Variants in CMC1 observed in about 807,000 individuals in gnomAD.
The protein encoded by CMC1 is C-X9-C motif containing 1, also known as COX assembly mitochondrial protein homolog.
Under a neutral mutation model 14.1 loss-of-function variants are expected in CMC1, and 14 were observed. The observed-to-expected ratio is 0.99, with a 90% confidence interval of 0.66 to 1.55. The LOEUF (loss-of-function observed/expected upper bound fraction) is 1.55. CMC1 is among the 40% of genes most tolerant of loss of function. The probability of loss-of-function intolerance (pLI) is 0.00; values close to 1 mark genes in which losing one functional copy is unlikely to be tolerated. For missense variants in CMC1, 127 were observed against 123.8 expected, an observed-to-expected ratio of 1.03 and a Z score of -0.12; for synonymous variants, 50 against 38.4, an observed-to-expected ratio of 1.30 and a Z score of -1.12.
At chr3:28,251,012 T>A (rs777895038) in intron 1 of CMC1, among the ~76,000 whole-genome samples, 1 of 152,166 alleles carries the variant, frequency 6.6e-6, no homozygotes, top group Admixed American at 6.5e-5. Flanking sequence ...CCAGAGACAG[T>A]CTGGTGAAGG....
intron 1 of CMC1, among the ~76,000 whole-genome samples, chr3:28,260,243 T>G (rs1699663876): frequency 6.6e-6 from 1 of 152,220 alleles, no homozygotes; most frequent in African/African-American, 2.4e-5. Context: ...GATTTTTGCA[T>G]CTGTGTTCAT....
chr3:28,274,206 G>GTTTT lies in CMC1; in HGVS notation c.109+10828_109+10831dup, dbSNP rs1265139321. Among the ~76,000 whole-genome samples, 260 of 82,940 alleles carry GTTTT rather than the reference G, an allele frequency of 3.1e-3. 5 individuals carry two copies. The highest frequency in any genetic ancestry group is 6.3e-3 in the Middle Eastern group (1 of 160). The allele number at this position is 82,940 out of a possible 152,430, so 54.4% of individuals were successfully genotyped here. ...GTGTCATTGGTCTTTGTACTAAAGTGTTTTTGTTTTTTTCTTTTTTTTTTT... is the reference window on the plus strand; with the variant it reads ...GTGTCATTGGTCTTTGTACTAAAGTGTTTTTTTTTGTTTTTTTCTTTTTTTTTTT... On this transcript the variant is annotated intron_variant, in intron 2 of 3. Transcript: ENST00000466830.
intron 2 of CMC1, among the ~76,000 whole-genome samples, chr3:28,291,328 C>G (rs1701459413): frequency 6.6e-6 from 1 of 152,062 alleles, no homozygotes; most frequent in East Asian, 1.9e-4. Flanking sequence ...AAAATAGTTG[C>G]CTACCATGCC....
chr3:28,325,139 AAAAC>A (rs1292266503), exon 4 of CMC1: 13 of 150,220 alleles, frequency 8.7e-5, no homozygotes, highest in Admixed American at 6.0e-4. Flanking sequence ...AAAAAAAAAA[AAAAC>A]AGCCAAAAAA....
intron 1 of CMC1, among the ~76,000 whole-genome samples, chr3:28,246,785 T>C (rs1228131512): frequency 6.6e-6 from 1 of 151,682 alleles, no homozygotes; most frequent in Non-Finnish European, 1.5e-5. Context: ...TCTCTTTGAT[T>C]TGGGGTCCAT....
chr3:28,294,278 A>G (rs1026134688), intron 2 of CMC1, among the ~76,000 whole-genome samples: 1 of 151,646 alleles, frequency 6.6e-6, no homozygotes, highest in Non-Finnish European at 1.5e-5. Flanking sequence ...TACAAAATTT[A>G]CCCCCCCTTG....
Position 28,322,951 on chromosome 3 carries a change from A to G in CMC1, c.*3322A>G, listed in dbSNP as rs937953459. On this transcript the variant is annotated 3_prime_UTR_variant, in exon 4 of 4. Coordinates refer to ENST00000466830, the MANE Select transcript of CMC1 (RefSeq NM_182523.2). ...GAACCAAGTAAATCTCCACCCTGAAAGAACTTAAATTTCCATGTGAAGCCA... is the reference window on the plus strand; with the variant it reads ...GAACCAAGTAAATCTCCACCCTGAAGGAACTTAAATTTCCATGTGAAGCCA... 1.3e-4 allele frequency: 19 copies of G among 151,290 alleles called. No individual in the cohort carries two copies. The highest frequency in any genetic ancestry group is 4.6e-4 in the African/African-American group (19 of 41,432). The allele number at this position is 151,290 out of a possible 1,614,324, so 9.4% of individuals were successfully genotyped here.
At chr3:28,307,741 C>T (rs1276897731) in intron 2 of CMC1, among the ~76,000 whole-genome samples, 3 of 152,130 alleles carry the variant, frequency 2.0e-5, no homozygotes, top group African/African-American at 7.2e-5. Context: ...TATTAGTTTT[C>T]TATTGCTATT....
intron 1 of CMC1, among the ~76,000 whole-genome samples, chr3:28,242,361 AC>A (rs1698572389): frequency 6.6e-6 from 1 of 152,150 alleles, no homozygotes; most frequent in South Asian, 2.1e-4. Context: ...TAGTTAACTT[AC>A]CCTCGAATTC....
chr3:28,288,838 G>A (rs1701329149), intron 2 of CMC1, among the ~76,000 whole-genome samples: 1 of 151,378 alleles, frequency 6.6e-6, no homozygotes, highest in African/African-American at 2.4e-5. Flanking sequence ...TATACTCACA[G>A]TCCTTTTGTG....
chr3:28,263,344 G>A lies in CMC1; in HGVS notation c.73G>A (p.Glu25Lys). Residue 25 changes from glutamate to lysine, a missense_variant, in exon 2 of 4, where the codon GAA becomes AAA. By Grantham distance (56) the Glu-to-Lys change is moderately conservative (BLOSUM62 1). Transcript: ENST00000466830. ...TGTTTTGATCCCTAAAATAATGAGA[G>A]AAAAGGCCAAAGAGAGGTGTTCTGA... Reference protein sequence around the residue: ...KDVLIPKIMREKAKERCSEQV... With the variant: ...KDVLIPKIMRKKAKERCSEQV... 1.2e-6 allele frequency: 2 copies of A among 1,608,354 alleles called. No individual in the cohort carries two copies. Among genetic ancestry groups the A allele is most frequent in the Middle Eastern group, 1.7e-4 (1 of 5,856 alleles).
intron 1 of CMC1, among the ~76,000 whole-genome samples, chr3:28,257,732 T>A (rs1471477335): frequency 2.0e-5 from 3 of 152,096 alleles, no homozygotes; most frequent in Non-Finnish European, 4.4e-5. Context: ...TTGGCCAGGA[T>A]GGTCTCGATC....
intron 1 of CMC1, among the ~76,000 whole-genome samples, chr3:28,254,785 AAATT>A (rs559144324): frequency 2.4e-4 from 36 of 152,326 alleles, no homozygotes; most frequent in African/African-American, 7.9e-4. Flanking sequence ...TAACAATTTG[AAATT>A]AATTTTGTAA....
intron 1 of CMC1, among the ~76,000 whole-genome samples, chr3:28,260,007 C>T (rs1461920673): frequency 2.0e-5 from 3 of 151,968 alleles, no homozygotes; most frequent in African/African-American, 7.2e-5. Context: ...TCCACGTATA[C>T]TGATTTTGTT....
At chr3:28,259,030 C>T (rs1372870273) in intron 1 of CMC1, among the ~76,000 whole-genome samples, 1 of 152,082 alleles carries the variant, frequency 6.6e-6, no homozygotes, top group African/African-American at 2.4e-5. Context: ...GACTTGTAAT[C>T]GGGTAGTTGC....
chr3:28,251,142 G>A (rs1699106244), intron 1 of CMC1, among the ~76,000 whole-genome samples: 1 of 152,156 alleles, frequency 6.6e-6, no homozygotes. Flanking sequence ...TTAGCTCACA[G>A]TTCTGCAAGC....
At chr3:28,266,521 T>C (rs970700677) in intron 2 of CMC1, among the ~76,000 whole-genome samples, 8 of 151,918 alleles carry the variant, frequency 5.3e-5, no homozygotes. Context: ...TTTTTCCTTT[T>C]TCTTTGAAAT....
At chr3:28,283,551 CAAAAA>C (rs5847510) in intron 2 of CMC1, among the ~76,000 whole-genome samples, 4 of 118,282 alleles carry the variant, frequency 3.4e-5, no homozygotes, top group South Asian at 2.8e-4. Flanking sequence ...ACAACAAAAA[CAAAAA>C]AAAAAAAAAA....
chr3:28,274,206 GTTTTTGTTTTTTTC>G (rs1480696166), intron 2 of CMC1, among the ~76,000 whole-genome samples: 1 of 83,096 alleles, frequency 1.2e-5, no homozygotes, highest in South Asian at 3.7e-4. Context: ...GTACTAAAGT[GTTTTTGTTTTTTTC>G]TTTTTTTTTT....
Sources: allele counts gnomAD v4.1 joint callset (sites outside exome capture counted in the v4.1 genomes callset), GRCh38; gene constraint gnomAD v4.1.1; transcripts MANE v1.5; gene names NCBI Gene and HGNC (gene_info 2026-07-23, HGNC 2026-07-21).